The following ERBIN variants were observed in gnomAD, a reference collection of about 807,000 sequenced individuals.
ERBIN encodes erbb2 interacting protein.
Under a neutral mutation model 158.4 loss-of-function variants are expected in ERBIN, and 60 were observed. That is an observed-to-expected ratio of 0.38 (90% confidence interval 0.31 to 0.47). The LOEUF is 0.47. ERBIN is among the 20% of genes least tolerant of loss of function. The pLI is 0.99. For synonymous variants in ERBIN, 594 were observed against 557.2 expected, an observed-to-expected ratio of 1.07 and a Z score of -0.93; for missense variants, 1,610 against 1,648.0, an observed-to-expected ratio of 0.98 and a Z score of 0.40.
intron 1 of ERBIN, among the ~76,000 whole-genome samples, chr5:65,986,167 T>C (rs1168465979): frequency 6.6e-6 from 1 of 152,210 alleles, no homozygotes; most frequent in African/African-American, 2.4e-5. Context: ...CAGATTTATA[T>C]CCACAGCTTG....
chr5:66,022,425 T>A (rs936622128), intron 8 of ERBIN, among the ~76,000 whole-genome samples: 2 of 152,238 alleles, frequency 1.3e-5, no homozygotes, highest in African/African-American at 4.8e-5. Flanking sequence ...AAAAGGAAAT[T>A]TCTTTTAATC....
chr5:65,968,900 C>G (rs1225647233), intron 1 of ERBIN, among the ~76,000 whole-genome samples: 1 of 152,086 alleles, frequency 6.6e-6, no homozygotes, highest in Non-Finnish European at 1.5e-5. Flanking sequence ...TTATGTAGCT[C>G]AATTCATAAA....
At chr5:66,072,436 A>C in intron 22 of ERBIN, 145 bp downstream of exon 22, 1 of 786,822 alleles carries the variant, frequency 1.3e-6, no homozygotes, top group South Asian at 2.6e-5. Flanking sequence ...AAAATATCAG[A>C]AATACAAAAT....
intron 1 of ERBIN, among the ~76,000 whole-genome samples, chr5:65,928,037 G>A (rs1307484356): frequency 6.6e-6 from 1 of 152,128 alleles, no homozygotes; most frequent in Non-Finnish European, 1.5e-5. Flanking sequence ...TGCCTATGCT[G>A]TCTCACGTAA....
intron 24 of ERBIN, 173 bp downstream of exon 24, chr5:66,076,581 A>G: frequency 1.6e-6 from 1 of 623,046 alleles, no homozygotes; most frequent in South Asian, 2.1e-5. Flanking sequence ...TTCAAGTTAA[A>G]ACAATTTAAC....
intron 21 of ERBIN, among the ~76,000 whole-genome samples, chr5:66,070,206 G>A (rs1488969746): frequency 6.6e-6 from 1 of 151,824 alleles, no homozygotes; most frequent in African/African-American, 2.4e-5. Context: ...CACCACACCC[G>A]GCTAATTTTT....
chr5:65,961,667 A>C (rs1747936138), intron 1 of ERBIN, among the ~76,000 whole-genome samples: 1 of 152,188 alleles, frequency 6.6e-6, no homozygotes, highest in African/African-American at 2.4e-5. Context: ...TCCATTAGGA[A>C]ATTCCAGCTT....
At chr5:65,994,582 T>C (rs1455343564) in intron 3 of ERBIN, among the ~76,000 whole-genome samples, 165 bp from the exon 4 acceptor site, 2 of 152,178 alleles carry the variant, frequency 1.3e-5, no homozygotes, top group Non-Finnish European at 2.9e-5. Context: ...AATGGTTCAG[T>C]TGTATTCATA....
chr5:65,990,339 A>T (rs1167214325), intron 2 of ERBIN, among the ~76,000 whole-genome samples: 1 of 152,224 alleles, frequency 6.6e-6, no homozygotes, highest in African/African-American at 2.4e-5. Flanking sequence ...CATATAGTTT[A>T]TCTAAAGAAC....
intron 1 of ERBIN, among the ~76,000 whole-genome samples, chr5:65,955,750 G>A (rs775764808): frequency 7.9e-5 from 12 of 152,186 alleles, no homozygotes; most frequent in South Asian, 6.2e-4. Context: ...CAACTACAAC[G>A]GTTTTCCCTT....
chr5:66,055,440 C>T (rs559693124), intron 21 of ERBIN, among the ~76,000 whole-genome samples: 1 of 152,106 alleles, frequency 6.6e-6, no homozygotes, highest in African/African-American at 2.4e-5. Context: ...GGCATTTATT[C>T]TTAACTTTTC....
chr5:65,999,519 A>G (rs951111883), intron 4 of ERBIN, among the ~76,000 whole-genome samples: 1 of 152,192 alleles, frequency 6.6e-6, no homozygotes, highest in Admixed American at 6.5e-5. Context: ...GAGAAATTTA[A>G]CATCACAATT....
chr5:65,969,312 T>C (rs750175112), intron 1 of ERBIN, among the ~76,000 whole-genome samples: 1 of 152,232 alleles, frequency 6.6e-6, no homozygotes, highest in Non-Finnish European at 1.5e-5. Context: ...AAAACTATTA[T>C]TTATTCAGCT....
intron 1 of ERBIN, among the ~76,000 whole-genome samples, chr5:65,964,801 GGTACA>G: frequency 1.4e-5 from 2 of 143,410 alleles, no homozygotes; most frequent in South Asian, 4.5e-4. Context: ...AGAGTGCAGT[GGTACA>G]ATCTCCGCTC....
At position 65,963,829 on chromosome 5, in the gene ERBIN, G is replaced by A. The variant is rs142424300; in HGVS notation, c.-57-24806G>A. On this transcript the variant is annotated intron_variant, in intron 1 of 25. Coordinates refer to ENST00000284037, the MANE Select transcript of ERBIN (RefSeq NM_001253697.2). ...TTTTGAGATGGAGTCTCGCTCTGTC[G>A]CCCAGGCTGGAGTGCAGTGGTGCGA... 6.2e-3 allele frequency among the ~76,000 whole-genome samples: 862 copies of A among 138,492 alleles called. 12 individuals are homozygous for A. Among genetic ancestry groups the A allele is most frequent in the African/African-American group, 0.023 (827 of 36,056 alleles). The allele number at this position is 138,492 out of a possible 152,430, so 90.9% of individuals were successfully genotyped here. A position where few individuals can be genotyped will look rare whatever the true frequency, so the allele number is the denominator to read the frequency against.
At chr5:65,953,576 G>C (rs563122659) in intron 1 of ERBIN, among the ~76,000 whole-genome samples, 3 of 152,088 alleles carry the variant, frequency 2.0e-5, no homozygotes, top group East Asian at 3.9e-4. Flanking sequence ...ACTCTACCTT[G>C]GGAAAATTCA....
chr5:65,933,205 A>G (rs1445286158), intron 1 of ERBIN, among the ~76,000 whole-genome samples: 1 of 152,136 alleles, frequency 6.6e-6, no homozygotes, highest in Admixed American at 6.5e-5. Flanking sequence ...ATTTGATCTT[A>G]CTGTGCTTTT....
chr5:65,950,151 G>A (rs756543917), intron 1 of ERBIN, among the ~76,000 whole-genome samples: 5 of 152,080 alleles, frequency 3.3e-5, no homozygotes, highest in Non-Finnish European at 5.9e-5. Flanking sequence ...GACTACAGGC[G>A]TGTGCCACCA....
intron 14 of ERBIN, among the ~76,000 whole-genome samples, chr5:66,034,644 G>T (rs1212398448): frequency 2.7e-5 from 4 of 150,796 alleles, no homozygotes; most frequent in Admixed American, 2.0e-4. Flanking sequence ...TCAGAACACA[G>T]TTTAGGAAAC....
Sources: allele counts gnomAD v4.1 joint callset (sites outside exome capture counted in the v4.1 genomes callset), GRCh38; gene constraint gnomAD v4.1.1; transcripts MANE v1.5; gene names NCBI Gene and HGNC (gene_info 2026-07-23, HGNC 2026-07-21).